RANBP17: variants seen among roughly 807,000 people sequenced by gnomAD.
RANBP17 encodes ran-binding protein 17.
In RANBP17, 158 loss-of-function variants were observed where a neutral mutation model predicts 141.2. That is an observed-to-expected ratio of 1.12 (90% CI 0.98 to 1.28). The LOEUF is 1.28. RANBP17 is among the 50% of genes most tolerant of loss of function. The pLI is 0.00. For synonymous variants in RANBP17, 430 were observed against 450.0 expected (o/e 0.96, Z 0.56); for missense variants, 1,438 against 1,290.7 (o/e 1.11, Z -1.75).
intron 12 of RANBP17, among the ~76,000 whole-genome samples, chr5:170,939,358 AT>A (rs1228033700): frequency 2.1e-5 from 3 of 145,586 alleles, no homozygotes; most frequent in Non-Finnish European, 4.5e-5. Context: ...CAAAAATTTT[AT>A]TTTATTTATT....
chr5:171,223,568 G>A (rs567785897), intron 22 of RANBP17, among the ~76,000 whole-genome samples: 1 of 152,328 alleles, frequency 6.6e-6, no homozygotes, highest in Non-Finnish European at 1.5e-5. Flanking sequence ...CCGGGAGGCA[G>A]AGGTTGCAGT....
At chr5:171,183,559 C>T in intron 18 of RANBP17, 129 bp downstream of exon 18, 1 of 638,098 alleles carries the variant, frequency 1.6e-6, no homozygotes, top group Non-Finnish European at 2.7e-6. Context: ...TTTTCTACAA[C>T]CTTCTAAGAT....
At chr5:170,897,047 C>G in intron 5 of RANBP17, 2 of 887,134 alleles carry the variant, frequency 2.3e-6, no homozygotes, top group Non-Finnish European at 3.7e-6. Context: ...TATTATGAGG[C>G]AATAAGCAGC....
chr5:171,154,098 GTTT>G (rs70982325), intron 14 of RANBP17, among the ~76,000 whole-genome samples: 60 of 130,230 alleles, frequency 4.6e-4, no homozygotes, highest in Middle Eastern at 4.0e-3. Context: ...GTTCACTTTA[GTTT>G]TTTTTTTTTT....
chr5:171,193,996 T>C (rs1405779064), intron 18 of RANBP17, among the ~76,000 whole-genome samples: 5 of 152,346 alleles, frequency 3.3e-5, no homozygotes, highest in African/African-American at 1.2e-4. Flanking sequence ...ACAGTACTTA[T>C]ACAGTAAATC....
At chr5:171,191,411 G>T (rs559953658) in intron 18 of RANBP17, among the ~76,000 whole-genome samples, 18 of 152,200 alleles carry the variant, frequency 1.2e-4, no homozygotes, top group African/African-American at 3.9e-4. Flanking sequence ...TTCAGAGGCC[G>T]GGCGCAGTGG....
chr5:170,918,713 G>A lies in RANBP17; in HGVS notation c.955G>A (p.Gly319Ser), dbSNP rs1179241271. 1 of 1,596,270 alleles carries A rather than the reference G, an allele frequency of 6.3e-7. No individual in the cohort carries two copies. The highest frequency in any genetic ancestry group is 1.4e-5 in the African/African-American group (1 of 73,752). ...GVKRILENPQ[G>S]LSDPGNYHEF... ...CCTTTCTTTTTGTCTCATAATTTAG[G>A]GTTTGTCTGATCCAGGTAATTATCA... The change falls in exon 10 of 28, where the codon GGT (glycine) becomes AGT (serine). Residue 319 changes from glycine (G) to serine (S), a missense_variant and splice_region_variant. Physicochemically the swap from Gly to Ser is moderately conservative, Grantham distance 56. Coordinates refer to ENST00000523189, the MANE Select transcript of RANBP17 (RefSeq NM_022897.5).
intron 14 of RANBP17, among the ~76,000 whole-genome samples, chr5:171,103,661 C>A (rs1051423420): frequency 1.3e-5 from 2 of 152,218 alleles, no homozygotes; most frequent in East Asian, 3.9e-4. Flanking sequence ...AAAAAAAAAC[C>A]CTGCAGCTAG....
chr5:170,867,251 G>C (rs1461632444), intron 1 of RANBP17: 1 of 152,136 alleles, frequency 6.6e-6, no homozygotes, highest in Non-Finnish European at 1.5e-5. Flanking sequence ...CTGTAGACTT[G>C]TATTTGACTC....
chr5:170,915,043 A>C (rs1173244140), intron 8 of RANBP17, among the ~76,000 whole-genome samples: 1 of 152,086 alleles, frequency 6.6e-6, no homozygotes, highest in Non-Finnish European at 1.5e-5. Context: ...TCTAGAGTTT[A>C]AGGTAGTGCT....
intron 13 of RANBP17, among the ~76,000 whole-genome samples, chr5:170,960,815 A>G (rs1776084907): frequency 6.6e-6 from 1 of 152,224 alleles, no homozygotes; most frequent in East Asian, 1.9e-4. Flanking sequence ...TGCCTGTCCC[A>G]TTAGCCTCAT....
In RANBP17 at chr5:170,924,345, C is replaced by A; in HGVS notation, c.1275-12C>A. The A allele has an allele frequency of 6.6e-7, 1 of 1,520,852 alleles. No homozygotes were observed. Among genetic ancestry groups the A allele is most frequent in the African/African-American group, 1.4e-5 (1 of 73,614 alleles). 94.2% of individuals were successfully genotyped at this position (1,520,852 alleles called of 1,614,324 possible). ...TTCTAATGTTGTCTGCAAACTTATTCTGTGTTTGCAGAGATCACTTAGATG... is the reference window on the plus strand; with the variant it reads ...TTCTAATGTTGTCTGCAAACTTATTATGTGTTTGCAGAGATCACTTAGATG... On this transcript the variant is annotated splice_polypyrimidine_tract_variant and intron_variant, in intron 11 of 27. Transcript: ENST00000523189.
chr5:170,906,074 G>C (rs544122970), intron 5 of RANBP17, among the ~76,000 whole-genome samples: 53 of 152,144 alleles, frequency 3.5e-4, no homozygotes, highest in Admixed American at 1.5e-3. Context: ...AGGGAATTTA[G>C]TGTATTTCCT....
At chr5:171,225,797 T>C in intron 22 of RANBP17, among the ~76,000 whole-genome samples, 1 of 152,240 alleles carries the variant, frequency 6.6e-6, no homozygotes, top group Non-Finnish European at 1.5e-5. Context: ...TCCGCCTCAC[T>C]GCTCTGTGAG....
chr5:170,958,995 A>G (rs1775938897), intron 13 of RANBP17, among the ~76,000 whole-genome samples: 3 of 152,310 alleles, frequency 2.0e-5, no homozygotes, highest in South Asian at 4.1e-4. Flanking sequence ...AATTTTTGCT[A>G]TCAGACCTTG....
At chr5:171,047,014 C>CG (rs372938999) in intron 14 of RANBP17, among the ~76,000 whole-genome samples, 7 of 97,790 alleles carry the variant, frequency 7.2e-5, no homozygotes, top group Admixed American at 2.7e-4. Flanking sequence ...TTTATTTTGC[C>CG]TTTTTTTTTT....
intron 16 of RANBP17, among the ~76,000 whole-genome samples, chr5:171,176,545 T>G (rs892861131): frequency 6.6e-6 from 1 of 152,194 alleles, no homozygotes; most frequent in Non-Finnish European, 1.5e-5. Flanking sequence ...GAATTGACAC[T>G]GATTGCAAAC....
At chr5:170,967,653 T>C (rs1285319208) in intron 13 of RANBP17, among the ~76,000 whole-genome samples, 1 of 151,502 alleles carries the variant, frequency 6.6e-6, no homozygotes, top group African/African-American at 2.4e-5. Context: ...TGTGATTTTC[T>C]CTTAATAATA....
intron 14 of RANBP17, among the ~76,000 whole-genome samples, chr5:171,151,144 A>T (rs534683734): frequency 1.3e-5 from 2 of 152,350 alleles, no homozygotes; most frequent in East Asian, 3.9e-4. Context: ...CAGAAATGTG[A>T]TCTGTGCAAA....
Sources: gnomAD v4.1 joint callset for allele counts (sites outside exome capture counted in the v4.1 genomes callset) on GRCh38, gnomAD v4.1.1 for gene constraint, MANE v1.5 for transcripts, NCBI Gene and HGNC (gene_info 2026-07-23, HGNC 2026-07-21) for gene names.